SH3D19: variants seen among roughly 807,000 people sequenced by gnomAD.
SH3D19 encodes the protein SH3 domain containing 19.
A neutral mutation model predicts 112.1 loss-of-function variants in SH3D19; 58 were observed. The ratio of observed to expected loss-of-function variants is 0.52; its 90% CI spans 0.42 to 0.64. SH3D19 has a LOEUF of 0.64. Ranked by LOEUF, SH3D19 falls within the 30% of genes least tolerant of loss-of-function variation. SH3D19 has a pLI of 0.00. For missense variants in SH3D19, 1,090 were observed against 1,263.4 expected, an observed-to-expected ratio of 0.86 and a Z score of 2.08; for synonymous variants, 391 against 448.5, an observed-to-expected ratio of 0.87 and a Z score of 1.62.
intron 1 of SH3D19, among the ~76,000 whole-genome samples, chr4:151,311,495 T>C (rs1729456186): frequency 6.6e-6 from 1 of 152,100 alleles, no homozygotes; most frequent in Non-Finnish European, 1.5e-5. Context: ...GAAAGACTAA[T>C]ACTGTGTGAT....
intron 16 of SH3D19, 22 bp downstream of exon 16, chr4:151,133,012 A>T: frequency 6.3e-7 from 1 of 1,583,808 alleles, no homozygotes. Context: ...ATAACATAAT[A>T]AAAAAAATTC....
At position 151,169,796 on chromosome 4, in the gene SH3D19, G is replaced by A. The variant is rs541562618; in HGVS notation, c.1535-4100C>T. ...TTCTTCAGAAATAAAAGCATCAGCA[G>A]AAGTGAACATGCTTATGAGGGTATT... On this transcript the variant is annotated intron_variant, in intron 7 of 19. Transcript: ENST00000604030. Among the ~76,000 whole-genome samples the A allele has an allele frequency of 5.3e-5, 8 of 152,296 alleles. No individual in the cohort carries two copies. In the South Asian group the frequency reaches 8.3e-4, roughly 16 times the overall value.
chr4:151,144,288 G>A, intron 11 of SH3D19: 1 of 1,613,562 alleles, frequency 6.2e-7, no homozygotes, highest in Middle Eastern at 1.6e-4. Flanking sequence ...GGCACAGACA[G>A]CTTAAACGTA....
At chr4:151,194,619 T>C (rs1763133737) in intron 2 of SH3D19, among the ~76,000 whole-genome samples, 2 of 151,384 alleles carry the variant, frequency 1.3e-5, no homozygotes, top group Admixed American at 6.6e-5. Context: ...TTTCACCATG[T>C]TGGCCAGGCT....
At chr4:151,215,875 G>C (rs1269861010) in intron 2 of SH3D19, among the ~76,000 whole-genome samples, 2 of 151,946 alleles carry the variant, frequency 1.3e-5, no homozygotes, top group Non-Finnish European at 2.9e-5. Context: ...GCCCAGGCTG[G>C]AGTGCAGTGG....
At chr4:151,203,388 G>C (rs775445987) in intron 2 of SH3D19, among the ~76,000 whole-genome samples, 1 of 152,140 alleles carries the variant, frequency 6.6e-6, no homozygotes, top group Non-Finnish European at 1.5e-5. Flanking sequence ...ATTTATTTTT[G>C]CAAGTAGCTT....
chr4:151,324,765 G>C (rs1473708748), intron 1 of SH3D19, among the ~76,000 whole-genome samples: 2 of 150,694 alleles, frequency 1.3e-5, no homozygotes, highest in Non-Finnish European at 3.0e-5. Context: ...TGGTGAGCTC[G>C]GCGGCTGGGG....
intron 2 of SH3D19, among the ~76,000 whole-genome samples, chr4:151,188,856 T>C (rs530614673): frequency 5.3e-5 from 8 of 152,316 alleles, no homozygotes; most frequent in Non-Finnish European, 7.4e-5. Flanking sequence ...ATAGAGTCCA[T>C]ACAGATGTAA....
intron 6 of SH3D19, 156 bp from the exon 7 acceptor site, chr4:151,175,830 T>C (rs1759860850): frequency 1.5e-6 from 1 of 647,284 alleles, no homozygotes; most frequent in Non-Finnish European, 2.2e-6. Flanking sequence ...GATTCAAAAA[T>C]GGAAATGTTT....
At chr4:151,256,977 A>G (rs1388301460) in intron 1 of SH3D19, among the ~76,000 whole-genome samples, 1 of 152,048 alleles carries the variant, frequency 6.6e-6, no homozygotes, top group African/African-American at 2.4e-5. Flanking sequence ...CGTGGCTTCA[A>G]GTGATCTGCC....
chr4:151,158,134 T>C (rs1756471326), intron 9 of SH3D19, among the ~76,000 whole-genome samples: 2 of 152,152 alleles, frequency 1.3e-5, no homozygotes, highest in Admixed American at 1.3e-4. Context: ...ATGACAGATA[T>C]GCTTACTACC....
At chr4:151,146,748 G>C (rs1204268235) in intron 11 of SH3D19, among the ~76,000 whole-genome samples, 1 of 152,040 alleles carries the variant, frequency 6.6e-6, no homozygotes, top group Non-Finnish European at 1.5e-5. Flanking sequence ...TGGCCTGGCT[G>C]GTCTCAAACT....
chr4:151,323,622 A>G (rs913128244), intron 1 of SH3D19, among the ~76,000 whole-genome samples: 1 of 152,242 alleles, frequency 6.6e-6, no homozygotes, highest in Non-Finnish European at 1.5e-5. Flanking sequence ...ATAAATGGTT[A>G]GAAAACTACA....
intron 1 of SH3D19, among the ~76,000 whole-genome samples, chr4:151,263,139 A>AGG (rs1314036690): frequency 3.9e-4 from 59 of 151,592 alleles, no homozygotes; most frequent in African/African-American, 1.4e-3. Flanking sequence ...CTAGTAAACA[A>AGG]GATCCCCAGA....
At chr4:151,282,238 C>T (rs1028117487) in intron 1 of SH3D19, 11 of 1,613,778 alleles carry the variant, frequency 6.8e-6, no homozygotes, top group African/African-American at 5.3e-5. Flanking sequence ...TGTCCAAAAT[C>T]GTCATCCATC....
chr4:151,213,687 A>T (rs6810484), intron 2 of SH3D19, among the ~76,000 whole-genome samples: 140,581 of 148,372 alleles, frequency 0.95, 66,559 homozygotes, highest in East Asian at 0.99. Context: ...TTAATTAATT[A>T]ATTTATTTAT....
intron 1 of SH3D19, among the ~76,000 whole-genome samples, chr4:151,302,836 G>A (rs1177392026): frequency 1.3e-5 from 2 of 151,926 alleles, no homozygotes; most frequent in African/African-American, 4.8e-5. Context: ...CTTGGACACA[G>A]GGTGGGGAAC....
chr4:151,320,259 C>A (rs1465910312), intron 1 of SH3D19, among the ~76,000 whole-genome samples: 1 of 152,124 alleles, frequency 6.6e-6, no homozygotes, highest in Non-Finnish European at 1.5e-5. Flanking sequence ...TATTATGTGC[C>A]TACTACTCTT....
At chr4:151,288,192 T>C (rs762656031) in intron 1 of SH3D19, among the ~76,000 whole-genome samples, 3 of 152,160 alleles carry the variant, frequency 2.0e-5, no homozygotes, top group Non-Finnish European at 1.5e-5. Context: ...AAATACTATA[T>C]GCTTTTGCCA....
Sources: gnomAD v4.1 joint callset for allele counts (sites outside exome capture counted in the v4.1 genomes callset) on GRCh38, gnomAD v4.1.1 for gene constraint, MANE v1.5 for transcripts, NCBI Gene and HGNC (gene_info 2026-07-23, HGNC 2026-07-21) for gene names.